Variants in SUGP2 observed in about 807,000 individuals in gnomAD.
The protein encoded by SUGP2 is SURP and G-patch domain-containing protein 2.
A neutral mutation model predicts 90.5 loss-of-function variants in SUGP2; 24 were observed. The observed-to-expected ratio is 0.27, with a 90% CI of 0.19 to 0.37. The LOEUF is 0.37. SUGP2 is among the 10% of genes least tolerant of loss of function. The pLI is 1.00. For synonymous variants in SUGP2, 473 were observed against 513.4 expected, an observed-to-expected ratio of 0.92 and a Z score of 1.06; for missense variants, 1,233 against 1,363.3, an observed-to-expected ratio of 0.90 and a Z score of 1.51.
At chr19:18,994,684 G>T in intron 9 of SUGP2, 198 bp from the exon 10 acceptor site, 5 of 698,934 alleles carry the variant, frequency 7.2e-6, no homozygotes, top group Non-Finnish European at 9.2e-6. Context: ...TTTTGAGGGG[G>T]TGCCCAGAGG....
At position 18,995,187 on chromosome 19, in the gene SUGP2, C is replaced by T. The variant is rs1201709978; in HGVS notation, c.3085G>A (p.Gly1029Ser). Residue 1029 changes from glycine (G) to serine (S), a missense_variant, in exon 9 of 11, where the codon GGC becomes AGC. Gly to Ser is a moderately conservative substitution (Grantham distance 56, BLOSUM62 0). Coordinates refer to ENST00000452918, the MANE Select transcript of SUGP2 (RefSeq NM_001017392.5). ...LQKMGWKEGHGLGSLGKGIRE... is the reference protein window; with the variant it reads ...LQKMGWKEGHSLGSLGKGIRE... ...ATGCCCTTTCCGAGGGAGCCCAGGC[C>T]ATGGCCCTCCTTCCAGCCCATCTTC... 1 of 1,613,224 alleles carries T rather than the reference C, an allele frequency of 6.2e-7. No individual in the cohort carries two copies. Among genetic ancestry groups the T allele is most frequent in the Non-Finnish European group, 8.5e-7 (1 of 1,180,034 alleles).
chr19:18,996,958 C>T (rs1219682970), intron 8 of SUGP2, among the ~76,000 whole-genome samples: 4 of 151,194 alleles, frequency 2.6e-5, no homozygotes, highest in African/African-American at 9.7e-5. Context: ...ATCACGGGGG[C>T]TGGTGCTGGG....
chr19:19,032,828 A>G (rs558036800), intron 1 of SUGP2, among the ~76,000 whole-genome samples: 1 of 152,268 alleles, frequency 6.6e-6, no homozygotes, highest in East Asian at 1.9e-4. Context: ...AACCATCAAG[A>G]TATCCCGCTT....
At chr19:18,997,043 G>GGGCA (rs1264302227) in intron 8 of SUGP2, among the ~76,000 whole-genome samples, 1 of 151,978 alleles carries the variant, frequency 6.6e-6, no homozygotes, top group Non-Finnish European at 1.5e-5. Flanking sequence ...AGGGTGAGAA[G>GGGCA]GGCATGCTGA....
In SUGP2 at chr19:19,025,394, G is replaced by A. The variant is rs778111787; in HGVS notation, c.954C>T (p.Ile318=). 51 of 1,613,986 alleles carry A rather than the reference G, an allele frequency of 3.2e-5. No individual in the cohort carries two copies. In the African/African-American group the frequency reaches 4.0e-4, roughly 13 times the overall value. The change falls in exon 3 of 11, where the codon ATC becomes ATT. Residue 318 remains isoleucine (I), a synonymous_variant. Transcript: ENST00000452918. The stretch of plus-strand genomic sequence containing the variant: ...TTGAAAAAACATCAGACTTATCTAT[G>A]ATGTCAAAGCTCATCTTTCTTCTGG... ...RLPRRKMSFD[I]IDKSDVFSRF...
In SUGP2 at chr19:19,025,409, C is replaced by A; in HGVS notation, c.939G>T (p.Lys313Asn). The stretch of plus-strand genomic sequence containing the variant: ...ACTTATCTATGATGTCAAAGCTCAT[C>A]TTTCTTCTGGGGAGCCGAAGATTCT... The part of the protein sequence containing the change: ...DLKNLRLPRR[K>N]MSFDIIDKSD... Residue 313 changes from lysine to asparagine, a missense_variant, in exon 3 of 11, where the codon AAG becomes AAT. Lys to Asn is a moderately conservative substitution (Grantham distance 94). Around this residue, in one of 8 missense-constraint regions of SUGP2, gnomAD observed 418 missense variants for 399.9 expected, o/e 1.05. Transcript: ENST00000452918. 6.2e-7 allele frequency: 1 copy of A among 1,614,158 alleles called. No homozygotes were observed.
At chr19:18,994,153 T>G in intron 10 of SUGP2, 1 of 602,140 alleles carries the variant, frequency 1.7e-6, no homozygotes, top group Non-Finnish European at 2.8e-6. Context: ...CCTTGGCCAG[T>G]GTGAGGTTTG....
intron 2 of SUGP2, among the ~76,000 whole-genome samples, chr19:19,027,255 C>G (rs769919960): frequency 1.3e-5 from 2 of 152,098 alleles, no homozygotes; most frequent in African/African-American, 2.4e-5. Context: ...TCATGGAATG[C>G]CTTTCTTTCT....
At chr19:18,996,424 T>C (rs895104967) in intron 8 of SUGP2, among the ~76,000 whole-genome samples, 1 of 152,098 alleles carries the variant, frequency 6.6e-6, no homozygotes, top group Non-Finnish European at 1.5e-5. Flanking sequence ...AACTTGTGTG[T>C]GTTTTTTTTA....
In SUGP2 at chr19:19,026,141, T is replaced by C. The variant is rs965437843; in HGVS notation, c.207A>G (p.Val69=). ...CTCTTCCGGCATCTCTAGAGTGAGC[T>C]ACAGATCCACTGAGGGAGTATCTGC... The part of the protein sequence containing the change: ...SDGRYSLSGS[V]AHSRDAGREG... The change falls in exon 3 of 11, where the codon GTA becomes GTG. Residue 69 remains valine (V), a synonymous_variant. Coordinates refer to ENST00000452918, the MANE Select transcript of SUGP2 (RefSeq NM_001017392.5). 4.3e-6 allele frequency: 7 copies of C among 1,613,810 alleles called. No individual in the cohort carries two copies. Among genetic ancestry groups the C allele is most frequent in the Non-Finnish European group, 5.9e-6 (7 of 1,180,022 alleles).
chr19:18,997,697 C>T (rs1472868645), intron 8 of SUGP2, among the ~76,000 whole-genome samples: 3 of 150,778 alleles, frequency 2.0e-5, no homozygotes, highest in African/African-American at 7.3e-5. Flanking sequence ...GCAGGAGAAT[C>T]CCTTGAACCT....
At chr19:19,000,423 T>C (rs1374308174) in intron 8 of SUGP2, among the ~76,000 whole-genome samples, 1 of 152,222 alleles carries the variant, frequency 6.6e-6, no homozygotes, top group Non-Finnish European at 1.5e-5. Context: ...TTGGCCCTGC[T>C]TGCTGCTGCC....
At chr19:19,018,520 T>C (rs377277895) in intron 4 of SUGP2, among the ~76,000 whole-genome samples, 28 of 151,386 alleles carry the variant, frequency 1.8e-4, no homozygotes, top group African/African-American at 6.5e-4. Flanking sequence ...ACCCCATCTC[T>C]ACTAAAAACA....
In SUGP2 at chr19:19,004,586, T is replaced by C. The variant is rs756253366; in HGVS notation, c.2511A>G (p.Leu837=). 7 of 1,614,074 alleles carry C rather than the reference T, an allele frequency of 4.3e-6. No individual in the cohort carries two copies. In the Admixed American group the frequency reaches 1.0e-4, roughly 23 times the overall value. The change falls in exon 7 of 11, where the codon CTA becomes CTG. Residue 837 remains leucine, a synonymous_variant. Coordinates refer to ENST00000452918, the MANE Select transcript of SUGP2 (RefSeq NM_001017392.5). ...FKFYRKKVFE[L]CPSICFTSSP... ...ATGACGTGAAACAAATTGATGGACA[T>C]AGTTCAAACACTTTCTTTCGATAGA...
intron 2 of SUGP2, among the ~76,000 whole-genome samples, chr19:19,029,243 G>A (rs920835678): frequency 1.1e-4 from 16 of 151,630 alleles, no homozygotes; most frequent in African/African-American, 9.7e-5. Context: ...CTGGGTTCAC[G>A]CCATTCTCCT....
At position 19,025,531 on chromosome 19, in the gene SUGP2, T is replaced by C; in HGVS notation, c.817A>G (p.Lys273Glu). 3 of 1,614,182 alleles carry C rather than the reference T, an allele frequency of 1.9e-6. No individual in the cohort carries two copies. The highest frequency in any genetic ancestry group is 2.5e-6 in the Non-Finnish European group (3 of 1,180,030). The change falls in exon 3 of 11, where the codon AAA (lysine) becomes GAA (glutamate). Residue 273 changes from lysine (K) to glutamate (E), a missense_variant. Lys to Glu is a moderately conservative substitution (Grantham distance 56). This residue lies in a region of SUGP2 where 418 missense variants were observed against 399.9 expected (regional missense o/e 1.05). Transcript: ENST00000452918. ...PKTQGTNQIQ[K>E]NTPSPDVTLG... ...GTCACATCAGGACTTGGAGTGTTTT[T>C]CTGGATTTGGTTAGTGCCCTGAGTT... is the stretch of plus-strand genomic sequence containing the variant.
chr19:19,018,982 C>G (rs1156489125), intron 4 of SUGP2, 127 bp downstream of exon 4: 2 of 1,098,856 alleles, frequency 1.8e-6, no homozygotes, highest in Non-Finnish European at 2.6e-6. Context: ...CACCCTCATG[C>G]TCTTCTCACT....
rs575762918 is a variant in SUGP2, at chr19:19,014,334, G to A, written c.1851-3992C>T. Among the ~76,000 whole-genome samples, 27 of 152,162 alleles carry A rather than the reference G, an allele frequency of 1.8e-4. 1 individual carries two copies. The South Asian group carries it at 3.1e-3, about 18-fold the overall frequency. On this transcript the variant is annotated intron_variant, in intron 4 of 10. Coordinates refer to ENST00000452918, the MANE Select transcript of SUGP2 (RefSeq NM_001017392.5). ...TGCACGACACGAGGCAGGTCACCTC[G>A]GCAAAGAGGCAATGGCCAGTTCTGT...
At chr19:19,033,399 G>A in intron 1 of SUGP2, 38 bp downstream of exon 1, 1 of 1,277,478 alleles carries the variant, frequency 7.8e-7, no homozygotes. Flanking sequence ...TCCCACCCCG[G>A]GAGCCACCCA....
Sources: gnomAD v4.1 joint callset for allele counts (sites outside exome capture counted in the v4.1 genomes callset) on GRCh38, gnomAD v4.1.1 for gene constraint, gnomAD v4.1.1 regional missense constraint, MANE v1.5 for transcripts, NCBI Gene and HGNC (gene_info 2026-07-23, HGNC 2026-07-21) for gene names.